SLC39A10: variants seen among roughly 807,000 people sequenced by gnomAD.
SLC39A10 encodes the protein zinc transporter ZIP10.
In SLC39A10, 13 loss-of-function variants were observed where a neutral mutation model predicts 65.1. The observed-to-expected ratio is 0.20, with a 90% CI of 0.13 to 0.32. The LOEUF is 0.32. Ranked by LOEUF, SLC39A10 falls within the 10% of genes least tolerant of loss-of-function variation. SLC39A10 has a pLI of 1.00. For missense variants in SLC39A10, 831 were observed against 1,018.4 expected, an observed-to-expected ratio of 0.82 and a Z score of 2.50; for synonymous variants, 321 against 342.2, an observed-to-expected ratio of 0.94 and a Z score of 0.68.
At chr2:195,686,813 T>C (rs1305344873) in intron 3 of SLC39A10, among the ~76,000 whole-genome samples, 1 of 152,212 alleles carries the variant, frequency 6.6e-6, no homozygotes, top group African/African-American at 2.4e-5. Context: ...TGTGCTGTAA[T>C]TCTTATACTT....
In SLC39A10 at chr2:195,737,481, C is replaced by T. The variant is rs531875101; in HGVS notation, c.*2440C>T. ...TGAATTTTTTCCATTAACAAACAAA[C>T]AAGTCAGTGGCTTAAATGTGATTAT... On this transcript the variant is annotated 3_prime_UTR_variant, in exon 10 of 10. Transcript: ENST00000359634. The T allele has an allele frequency of 0.013, 2,054 of 159,656 alleles. 48 individuals carry two copies. The highest frequency in any genetic ancestry group is 0.046 in the African/African-American group (1,908 of 41,166). 9.9% of individuals were successfully genotyped at this position (159,656 alleles called of 1,614,324 possible). A position where few individuals can be genotyped will look rare whatever the true frequency, so the allele number is the denominator to read the frequency against.
chr2:195,619,957 C>G (rs918012833), intron 2 of SLC39A10, among the ~76,000 whole-genome samples: 3 of 152,076 alleles, frequency 2.0e-5, no homozygotes, highest in African/African-American at 7.2e-5. Flanking sequence ...GAGTCTCGCT[C>G]CATCACCCAG....
chr2:195,637,491 T>C (rs6730116), intron 2 of SLC39A10, among the ~76,000 whole-genome samples: 33,199 of 152,120 alleles, frequency 0.22, 4,265 homozygotes, highest in East Asian at 0.6. Context: ...GAATGATGGA[T>C]TAGTAATTAT....
chr2:195,697,436 T>A (rs1362161835), intron 3 of SLC39A10, among the ~76,000 whole-genome samples: 1 of 152,170 alleles, frequency 6.6e-6, no homozygotes, highest in African/African-American at 2.4e-5. Flanking sequence ...TTTTTACTCT[T>A]TTTTTAAATT....
intron 2 of SLC39A10, among the ~76,000 whole-genome samples, chr2:195,643,742 C>A (rs2105707136): frequency 6.6e-6 from 1 of 152,268 alleles, no homozygotes; most frequent in Admixed American, 6.5e-5. Flanking sequence ...AATCTTAGCC[C>A]CAAACTGGTA....
rs972376092 is a variant in SLC39A10 at position 195,661,325 on chromosome 2, C to G, written c.-12+4044C>G. Among the ~76,000 whole-genome samples the G allele has an allele frequency of 3.3e-5, 5 of 151,976 alleles. No homozygotes were observed. The East Asian group carries it at 9.7e-4, about 29-fold the overall frequency. ...TTTCTAAAATATCCAAACATATTCT[C>G]AATAAAAAATTAGTGGAATGCTTAA... On this transcript the variant is annotated intron_variant, in intron 1 of 9. Transcript: ENST00000359634.
At chr2:195,693,163 T>C (rs1690806889) in intron 3 of SLC39A10, among the ~76,000 whole-genome samples, 1 of 152,220 alleles carries the variant, frequency 6.6e-6, no homozygotes, top group Admixed American at 6.5e-5. Flanking sequence ...CCTGCATCCC[T>C]AGTATGAAAT....
rs970273540 is a variant in SLC39A10, at chr2:195,638,459, C to T, written c.-12+32226C>T. ...GGTTCAAGCGATTCTCCTGCCTTAG[C>T]CTCCCGAGTAGCTGAGACTACAGGC... On this transcript the variant is annotated intron_variant, in intron 2 of 2. Coordinates refer to the SLC39A10 transcript ENST00000458054. 2.6e-5 allele frequency among the ~76,000 whole-genome samples: 4 copies of T among 152,062 alleles called. No individual in the cohort carries two copies. In the East Asian group the frequency reaches 5.8e-4, roughly 22 times the overall value.
chr2:195,727,488 T>C (rs1574320438), intron 8 of SLC39A10, among the ~76,000 whole-genome samples: 1 of 151,962 alleles, frequency 6.6e-6, no homozygotes, highest in East Asian at 1.9e-4. Context: ...CTCTTCATTC[T>C]TACTACATTT....
At chr2:195,719,487 C>T (rs1691941242) in intron 8 of SLC39A10, among the ~76,000 whole-genome samples, 1 of 152,128 alleles carries the variant, frequency 6.6e-6, no homozygotes, top group Non-Finnish European at 1.5e-5. Flanking sequence ...CTGTCGACTT[C>T]TCTGAGATAT....
intron 2 of SLC39A10, among the ~76,000 whole-genome samples, chr2:195,649,173 C>A (rs916765980): frequency 2.6e-5 from 4 of 151,886 alleles, no homozygotes; most frequent in African/African-American, 9.7e-5. Flanking sequence ...ACAACAACAA[C>A]AAAAAGATAT....
At position 195,651,078 on chromosome 2, in the gene SLC39A10, AT is replaced by A. The variant is rs940459550; in HGVS notation, c.-11-28953del. On this transcript the variant is annotated intron_variant, in intron 2 of 2. Coordinates refer to the SLC39A10 transcript ENST00000458054. ...AGAATGAGACCCCGTCTCAAAAAAA[AT>A]GTTTTTTTTTTTTTATTTAGAAAGG... is the stretch of plus-strand genomic sequence containing the variant. Among the ~76,000 whole-genome samples, 12 of 149,744 alleles carry A rather than the reference AT, an allele frequency of 8.0e-5. No homozygotes were observed. In the South Asian group the frequency reaches 1.3e-3, roughly 16 times the overall value.
chr2:195,655,135 AG>A (rs1007791787), upstream of SLC39A10, among the ~76,000 whole-genome samples: 16 of 152,208 alleles, frequency 1.1e-4, no homozygotes, highest in African/African-American at 3.4e-4. Flanking sequence ...CTGGGTCCAA[AG>A]GGCTCTATCT....
chr2:195,672,456 C>A lies in SLC39A10; in HGVS notation c.-11-7576C>A, dbSNP rs370181944. On this transcript the variant is annotated intron_variant, in intron 1 of 9. Transcript: ENST00000359634. ...CCTAAATGATTCTGAAAGCATACAT[C>A]TGCTATAGTAGTTCTAAACTAAAGT... is the stretch of plus-strand genomic sequence containing the variant. Among the ~76,000 whole-genome samples the A allele has an allele frequency of 6.0e-4, 91 of 152,204 alleles. 1 individual carries two copies. The highest frequency in any genetic ancestry group is 1.4e-3 in the East Asian group (7 of 5,174).
intron 5 of SLC39A10, among the ~76,000 whole-genome samples, chr2:195,709,525 C>G (rs1691533821): frequency 6.6e-6 from 1 of 152,082 alleles, no homozygotes; most frequent in Admixed American, 6.6e-5. Flanking sequence ...AGCCACCATG[C>G]CTGGTGCCCT....
At chr2:195,662,927 T>C (rs1215762507) in intron 1 of SLC39A10, among the ~76,000 whole-genome samples, 1 of 152,214 alleles carries the variant, frequency 6.6e-6, no homozygotes, top group Non-Finnish European at 1.5e-5. Flanking sequence ...AGGTGTTCTT[T>C]ACCTACATAG....
intron 2 of SLC39A10, among the ~76,000 whole-genome samples, chr2:195,623,263 C>T (rs1378528768): frequency 6.6e-6 from 1 of 152,154 alleles, no homozygotes; most frequent in African/African-American, 2.4e-5. Context: ...TACCCAAGGG[C>T]ATGTATTTTC....
At chr2:195,699,476 T>C (rs1185227969) in intron 3 of SLC39A10, among the ~76,000 whole-genome samples, 1 of 152,044 alleles carries the variant, frequency 6.6e-6, no homozygotes, top group Non-Finnish European at 1.5e-5. Flanking sequence ...TAAGTTTTGG[T>C]TGTAGTTTTG....
Position 195,680,133 on chromosome 2 carries a change from C to T in SLC39A10, c.91C>T (p.His31Tyr), listed in dbSNP as rs267599133. Reference protein sequence around the residue: ...HCNHCHEEHDHGPEALHRQHR... With the variant: ...HCNHCHEEHDYGPEALHRQHR... ...CAACCATTGCCATGAAGAACATGAC[C>T]ATGGCCCTGAAGCGCTTCACAGACA... Residue 31 changes from histidine to tyrosine, a missense_variant, in exon 2 of 10, where the codon CAT (histidine) becomes TAT (tyrosine). Physicochemically the swap from His to Tyr is moderately conservative, Grantham distance 83. Around this residue, in one of 4 missense-constraint regions of SLC39A10, gnomAD observed 446 missense variants for 499.2 expected, o/e 0.89. Coordinates refer to ENST00000359634, the MANE Select transcript of SLC39A10 (RefSeq NM_020342.3). 6.2e-7 allele frequency: 1 copy of T among 1,613,774 alleles called. No individual in the cohort carries two copies. The highest frequency in any genetic ancestry group is 8.5e-7 in the Non-Finnish European group (1 of 1,180,020).
Sources: allele counts gnomAD v4.1 joint callset (sites outside exome capture counted in the v4.1 genomes callset), GRCh38; gene constraint gnomAD v4.1.1; regional missense constraint gnomAD v4.1.1; transcripts MANE v1.5; gene names NCBI Gene and HGNC (gene_info 2026-07-23, HGNC 2026-07-21).